The following ARMH3 variants were observed in gnomAD, a reference collection of about 807,000 sequenced individuals.
ARMH3 encodes armadillo-like helical domain-containing protein 3.
In ARMH3, 60 loss-of-function variants were observed where a neutral mutation model predicts 99.1. That is an observed-to-expected ratio of 0.61 (90% confidence interval 0.49 to 0.75). The LOEUF (loss-of-function observed/expected upper bound fraction) is 0.75, where lower values mean the gene tolerates loss of function less well. Among genes scored for constraint, ARMH3 ranks in the 30% least tolerant of loss-of-function variants. ARMH3 has a pLI of 0.00. For missense variants in ARMH3, 679 were observed against 843.1 expected (o/e 0.81, Z 2.41); for synonymous variants, 285 against 292.8 (o/e 0.97, Z 0.27).
At chr10:102,046,867 A>G (rs2067566673) in intron 1 of ARMH3, among the ~76,000 whole-genome samples, 1 of 152,172 alleles carries the variant, frequency 6.6e-6, no homozygotes, top group Non-Finnish European at 1.5e-5. Flanking sequence ...AGTAAGGGGG[A>G]GTATGTACTC....
chr10:101,934,267 G>A (rs545495676), intron 23 of ARMH3, among the ~76,000 whole-genome samples: 1 of 152,276 alleles, frequency 6.6e-6, no homozygotes, highest in South Asian at 2.1e-4. Context: ...CATGTATGAG[G>A]GGAAGAGTGT....
At chr10:102,052,137 C>T (rs529006707) in intron 1 of ARMH3, among the ~76,000 whole-genome samples, 2 of 152,220 alleles carry the variant, frequency 1.3e-5, no homozygotes, top group East Asian at 3.9e-4. Context: ...CTCATTTCTT[C>T]CCCTGCTCAA....
intron 8 of ARMH3, among the ~76,000 whole-genome samples, chr10:102,020,030 GGTCTCAAA>G (rs1402204482): frequency 7.3e-5 from 11 of 150,276 alleles, no homozygotes; most frequent in Admixed American, 1.3e-4. Flanking sequence ...AGACCAGCCT[GGTCTCAAA>G]CATGTCAAAC....
At chr10:102,002,602 T>G (rs2066387084) in intron 14 of ARMH3, among the ~76,000 whole-genome samples, 1 of 152,066 alleles carries the variant, frequency 6.6e-6, no homozygotes, top group Non-Finnish European at 1.5e-5. Context: ...ATTCAAATTC[T>G]ACCACTATTA....
intron 24 of ARMH3, among the ~76,000 whole-genome samples, chr10:101,887,853 C>A (rs534286143): frequency 6.6e-6 from 1 of 152,002 alleles, no homozygotes; most frequent in Admixed American, 6.6e-5. Context: ...TTGAGAGGCA[C>A]TTTCATCATT....
intron 23 of ARMH3, among the ~76,000 whole-genome samples, chr10:101,908,601 G>T (rs932271198): frequency 1.8e-4 from 27 of 151,648 alleles, no homozygotes; most frequent in African/African-American, 5.8e-4. Context: ...TTACAGTTAT[G>T]ATTACATAAA....
intron 24 of ARMH3, among the ~76,000 whole-genome samples, chr10:101,879,056 C>A (rs1262844519): frequency 1.3e-5 from 2 of 152,148 alleles, no homozygotes; most frequent in Non-Finnish European, 2.9e-5. Flanking sequence ...ACTGAATGGG[C>A]CCTTCCCAGT....
intron 1 of ARMH3, among the ~76,000 whole-genome samples, chr10:102,054,718 G>A (rs1283275549): frequency 2.0e-5 from 3 of 152,198 alleles, no homozygotes; most frequent in African/African-American, 7.2e-5. Flanking sequence ...TTTTCTGGCC[G>A]GGCGCAGTGG....
At chr10:101,925,164 T>C (rs965218081) in intron 23 of ARMH3, among the ~76,000 whole-genome samples, 49 of 152,234 alleles carry the variant, frequency 3.2e-4, no homozygotes, top group African/African-American at 1.2e-3. Flanking sequence ...AAGTTTGCTA[T>C]GAACCAACAA....
intron 23 of ARMH3, among the ~76,000 whole-genome samples, chr10:101,926,701 C>A (rs1159933696): frequency 1.3e-5 from 2 of 152,074 alleles, no homozygotes; most frequent in Non-Finnish European, 1.5e-5. Context: ...TAACTAGTAG[C>A]CAGTATTTTA....
At chr10:101,938,179 C>T (rs1024505027) in intron 23 of ARMH3, among the ~76,000 whole-genome samples, 50 of 152,150 alleles carry the variant, frequency 3.3e-4, no homozygotes, top group African/African-American at 1.2e-3. Flanking sequence ...ATGACTGGAT[C>T]TTTTTGCTAC....
At chr10:102,040,168 G>C in intron 1 of ARMH3, 43 bp from the exon 2 acceptor site, 1 of 1,464,734 alleles carries the variant, frequency 6.8e-7, no homozygotes, top group Non-Finnish European at 9.6e-7. Flanking sequence ...AAAATACTCA[G>C]TATGATACTA....
intron 1 of ARMH3, among the ~76,000 whole-genome samples, chr10:102,052,715 T>C (rs757161978): frequency 1.3e-5 from 2 of 152,162 alleles, no homozygotes; most frequent in Non-Finnish European, 2.9e-5. Flanking sequence ...AGGAAGTGCA[T>C]AATCTGCTAC....
At chr10:101,956,317 T>C (rs888932149) in intron 22 of ARMH3, among the ~76,000 whole-genome samples, 1 of 152,132 alleles carries the variant, frequency 6.6e-6, no homozygotes, top group African/African-American at 2.4e-5. Flanking sequence ...TCCTTCTCTC[T>C]GGCATTCAAT....
intron 2 of ARMH3, among the ~76,000 whole-genome samples, chr10:102,036,397 G>A (rs975981535): frequency 2.6e-5 from 4 of 152,276 alleles, no homozygotes; most frequent in Non-Finnish European, 4.4e-5. Context: ...CATTAAGAAC[G>A]GGCCATGATG....
intron 8 of ARMH3, among the ~76,000 whole-genome samples, chr10:102,017,941 C>A (rs183452635): frequency 2.0e-5 from 3 of 152,078 alleles, no homozygotes; most frequent in Non-Finnish European, 4.4e-5. Flanking sequence ...ACTTTCAACC[C>A]GGCCAAATAA....
chr10:102,042,269 C>G (rs75869602), intron 1 of ARMH3, among the ~76,000 whole-genome samples: 549 of 152,334 alleles, frequency 3.6e-3, no homozygotes, highest in Non-Finnish European at 6.2e-3. Flanking sequence ...TGCCTGTGCT[C>G]AGCTTCAACC....
chr10:101,869,990 G>A (rs529105063), intron 24 of ARMH3, among the ~76,000 whole-genome samples: 138 of 152,254 alleles, frequency 9.1e-4, no homozygotes, highest in South Asian at 6.0e-3. Flanking sequence ...CAGAGATTGC[G>A]CCACTGCACT....
intron 23 of ARMH3, among the ~76,000 whole-genome samples, chr10:101,899,049 G>C (rs2067911817): frequency 6.6e-6 from 1 of 152,168 alleles, no homozygotes; most frequent in Non-Finnish European, 1.5e-5. Context: ...TTTAGAGAAA[G>C]GAGATTTGAA....
Sources: allele counts gnomAD v4.1 joint callset (sites outside exome capture counted in the v4.1 genomes callset), GRCh38; gene constraint gnomAD v4.1.1; transcripts MANE v1.5; gene names NCBI Gene and HGNC (gene_info 2026-07-23, HGNC 2026-07-21).